Variants in ACTR3C observed in about 807,000 individuals in gnomAD.
ACTR3C encodes actin related protein 3C.
ACTR3C carries 18 observed loss-of-function variants against 26.3 expected under a neutral mutation model. The observed-to-expected ratio is 0.68, with a 90% CI of 0.47 to 1.01. ACTR3C has a LOEUF of 1.01. ACTR3C is among the 50% of genes least tolerant of loss of function. ACTR3C has a pLI of 0.00. For synonymous variants in ACTR3C, 55 were observed against 94.5 expected, an observed-to-expected ratio of 0.58 and a Z score of 2.42; for missense variants, 184 against 250.7, an observed-to-expected ratio of 0.73 and a Z score of 1.80.
At chr7:149,943,208 A>G in the ACTR3C span, among the ~76,000 whole-genome samples, 4,468 of 111,766 alleles carry the variant, frequency 0.04, 167 homozygotes, top group African/African-American at 0.12. Flanking sequence ...TAGTTGATAC[A>G]AAAACTGTAG....
At chr7:150,163,374 ATATGTGTGTATGTG>A in the ACTR3C span, among the ~76,000 whole-genome samples, 8 of 137,720 alleles carry the variant, frequency 5.8e-5, no homozygotes, top group Admixed American at 1.5e-4. Context: ...GTATATATAT[ATATGTGTGTATGTG>A]TGTGTGTGTG....
chr7:150,290,464 C>T (rs191013461), intron 3 of ACTR3C, among the ~76,000 whole-genome samples: 8 of 152,256 alleles, frequency 5.3e-5, no homozygotes, highest in Middle Eastern at 3.4e-3. Context: ...GAGTGGACAA[C>T]GCCCACCGCT....
At chr7:150,073,820 G>A in the ACTR3C span, 1 of 152,164 alleles carries the variant, frequency 6.6e-6, no homozygotes, top group East Asian at 1.9e-4. Flanking sequence ...AGAACAACAA[G>A]CTCATATGAA....
chr7:150,004,913 G>C, the ACTR3C span: 18 of 152,342 alleles, frequency 1.2e-4, no homozygotes, highest in African/African-American at 4.3e-4. Flanking sequence ...ACACACTGGA[G>C]GCCTGGGTGG....
At chr7:150,073,083 T>C in the ACTR3C span, among the ~76,000 whole-genome samples, 314 of 152,276 alleles carry the variant, frequency 2.1e-3, 1 homozygote, top group African/African-American at 7.2e-3. Flanking sequence ...CCTGAAGCGA[T>C]GGTGTTAGGA....
chr7:150,318,599 TA>T (rs1797180122), intron 1 of ACTR3C, among the ~76,000 whole-genome samples: 1 of 152,086 alleles, frequency 6.6e-6, no homozygotes, highest in South Asian at 2.1e-4. Flanking sequence ...CCATCTGTAC[TA>T]AAAATACAAA....
chr7:150,240,176 C>A (rs1422316024), downstream of ACTR3C, among the ~76,000 whole-genome samples: 1 of 152,192 alleles, frequency 6.6e-6, no homozygotes, highest in African/African-American at 2.4e-5. Flanking sequence ...TATGAGTTAT[C>A]TTTCTTGTCA....
chr7:150,162,567 G>A, the ACTR3C span, among the ~76,000 whole-genome samples: 496 of 152,116 alleles, frequency 3.3e-3, 2 homozygotes, highest in African/African-American at 0.012. Context: ...CGCCCACCTC[G>A]GTCTCCCAAA....
At chr7:149,906,430 T>C in the ACTR3C span, among the ~76,000 whole-genome samples, 9 of 77,988 alleles carry the variant, frequency 1.2e-4, no homozygotes, top group African/African-American at 1.9e-4. Flanking sequence ...TTTTTTTTTT[T>C]TTTTTTTTTT....
chr7:150,284,592 T>C (rs570643532), intron 6 of ACTR3C, among the ~76,000 whole-genome samples, 161 bp downstream of exon 6: 1 of 152,270 alleles, frequency 6.6e-6, no homozygotes, highest in Admixed American at 6.5e-5. Context: ...CTGAGTCATA[T>C]TTCCATTTTC....
At chr7:150,009,104 G>T in the ACTR3C span, among the ~76,000 whole-genome samples, 1 of 152,240 alleles carries the variant, frequency 6.6e-6, no homozygotes, top group Non-Finnish European at 1.5e-5. Context: ...GGCAGGCAGA[G>T]AGCACAGCCC....
chr7:150,308,868 C>T (rs1014310225), intron 1 of ACTR3C, among the ~76,000 whole-genome samples: 7 of 152,172 alleles, frequency 4.6e-5, no homozygotes, highest in Admixed American at 2.0e-4. Flanking sequence ...TTTTCTCTAT[C>T]AGACCTTTTC....
the ACTR3C span, among the ~76,000 whole-genome samples, chr7:150,078,108 G>A: frequency 6.6e-6 from 1 of 152,146 alleles, no homozygotes; most frequent in Admixed American, 6.5e-5. Context: ...CACATATTAG[G>A]CATTGCCTAG....
the ACTR3C span, among the ~76,000 whole-genome samples, chr7:150,034,363 G>GA: frequency 6.6e-6 from 1 of 151,662 alleles, no homozygotes; most frequent in Non-Finnish European, 1.5e-5. Context: ...GCATACAATG[G>GA]AAAAGGCTTT....
At chr7:150,185,264 T>A in the ACTR3C span, among the ~76,000 whole-genome samples, 1 of 147,282 alleles carries the variant, frequency 6.8e-6, no homozygotes, top group Non-Finnish European at 1.5e-5. Context: ...ATAGTCAATA[T>A]TAAATGTCAG....
At chr7:150,261,386 C>CT (rs879735615) in intron 6 of ACTR3C, among the ~76,000 whole-genome samples, 1 of 152,074 alleles carries the variant, frequency 6.6e-6, no homozygotes, top group Non-Finnish European at 1.5e-5. Flanking sequence ...CTGTTTCTTC[C>CT]TCAGAAAGTA....
At chr7:149,981,056 T>C in the ACTR3C span, among the ~76,000 whole-genome samples, 1 of 151,950 alleles carries the variant, frequency 6.6e-6, no homozygotes, top group Non-Finnish European at 1.5e-5. Flanking sequence ...GTATTCACAA[T>C]AACTTCTGTA....
chr7:150,071,778 A>G, the ACTR3C span, among the ~76,000 whole-genome samples: 1 of 151,960 alleles, frequency 6.6e-6, no homozygotes, highest in East Asian at 1.9e-4. Flanking sequence ...AGGTCTGCCA[A>G]ACTCCAGAAC....
chr7:149,911,331 A>G, the ACTR3C span, among the ~76,000 whole-genome samples: 2 of 146,836 alleles, frequency 1.4e-5, no homozygotes, highest in Non-Finnish European at 3.0e-5. Flanking sequence ...TTCCCACAAA[A>G]TGATGCACCT....
Sources: gnomAD v4.1 joint callset for allele counts (sites outside exome capture counted in the v4.1 genomes callset) on GRCh38, gnomAD v4.1.1 for gene constraint, MANE v1.5 for transcripts, NCBI Gene and HGNC (gene_info 2026-07-23, HGNC 2026-07-21) for gene names.